The following DNAH8 variants were observed in gnomAD, a reference collection of about 807,000 sequenced individuals.
The protein encoded by DNAH8 is dynein axonemal heavy chain 8.
Under a neutral mutation model 562.1 loss-of-function variants are expected in DNAH8, and 382 were observed. The observed-to-expected ratio is 0.68, with a 90% CI of 0.63 to 0.74. The LOEUF (loss-of-function observed/expected upper bound fraction) is 0.74, where lower values mean the gene tolerates loss of function less well. Among genes scored for constraint, DNAH8 ranks in the 30% least tolerant of loss-of-function variants. DNAH8 has a pLI of 0.00. For synonymous variants in DNAH8, 1,881 were observed against 1,919.4 expected (o/e 0.98, Z 0.52); for missense variants, 5,203 against 5,620.4 (o/e 0.93, Z 2.37).
At chr6:38,803,430 T>C (rs188782006) in intron 22 of DNAH8, 119 bp downstream of exon 22, 1 of 688,818 alleles carries the variant, frequency 1.5e-6, no homozygotes, top group African/African-American at 1.8e-5. Flanking sequence ...GCAAAGAAGG[T>C]GTTCAGCATA....
chr6:38,801,400 T>C (rs1583041073), intron 21 of DNAH8, among the ~76,000 whole-genome samples: 1 of 152,362 alleles, frequency 6.6e-6, no homozygotes, highest in Non-Finnish European at 1.5e-5. Flanking sequence ...AAAAGATTAC[T>C]GTATGTTATT....
Position 38,931,008 on chromosome 6 carries a change from C to T in DNAH8, c.11275-803C>T, listed in dbSNP as rs149608959. On this transcript the variant is annotated intron_variant, in intron 75 of 92. Transcript: ENST00000327475. ...ACATGTGAGATCATACAGTGTTTATCTGTGTCTGGCTTATCTTATATGACA... is the reference window on the plus strand; with the variant it reads ...ACATGTGAGATCATACAGTGTTTATTTGTGTCTGGCTTATCTTATATGACA... Among the ~76,000 whole-genome samples the T allele has an allele frequency of 9.9e-4, 151 of 152,182 alleles. 1 individual carries two copies. Among genetic ancestry groups the T allele is most frequent in the Non-Finnish European group, 1.9e-3 (129 of 67,980 alleles).
chr6:39,007,156 GT>G (rs1275355024), intron 88 of DNAH8, among the ~76,000 whole-genome samples: 1 of 152,076 alleles, frequency 6.6e-6, no homozygotes, highest in Non-Finnish European at 1.5e-5. Context: ...AGTTTTAGTT[GT>G]TTCAGAAGGG....
chr6:38,852,758 G>A lies in DNAH8; in HGVS notation c.5531G>A (p.Arg1844His). 5.6e-6 allele frequency: 9 copies of A among 1,613,422 alleles called. No homozygotes were observed. Among genetic ancestry groups the A allele is most frequent in the African/African-American group, 1.3e-5 (1 of 74,960 alleles). Residue 1844 changes from arginine to histidine, a missense_variant, in exon 40 of 93, where the codon CGC (arginine) becomes CAC (histidine). Physicochemically the swap from Arg to His is conservative, Grantham distance 29. Around this residue, in one of 6 missense-constraint regions of DNAH8, gnomAD observed 2,176 missense variants for 2,365.1 expected, o/e 0.92. Transcript: ENST00000327475. The stretch of plus-strand genomic sequence containing the variant: ...ACATTTCATGCAAAAGACTATGATC[G>A]CATCATGGCCGTCATATCAAGAGAA... ...EVTFHAKDYD[R>H]IMAVISREGE... is the part of the protein sequence containing the mutation.
intron 19 of DNAH8, 152 bp downstream of exon 19, chr6:38,790,035 A>G: frequency 1.6e-6 from 1 of 636,164 alleles, no homozygotes; most frequent in Non-Finnish European, 2.6e-6. Flanking sequence ...TTTCTGCAGA[A>G]TTTCTTGTCT....
chr6:39,020,230 T>C (rs974341734), intron 91 of DNAH8, among the ~76,000 whole-genome samples: 2 of 152,212 alleles, frequency 1.3e-5, no homozygotes, highest in African/African-American at 4.8e-5. Context: ...AGAAGGTGTG[T>C]GTCTCAAGGG....
At chr6:38,937,357 A>T (rs75674340) in intron 77 of DNAH8, among the ~76,000 whole-genome samples, 1,988 of 151,804 alleles carry the variant, frequency 0.013, 49 homozygotes, top group African/African-American at 0.042. Flanking sequence ...AGTATAATAA[A>T]AAAAAAAATA....
chr6:38,715,464 A>T (rs1562517787), intron 1 of DNAH8, 49 bp downstream of exon 1: 1 of 152,454 alleles, frequency 6.6e-6, no homozygotes. Flanking sequence ...CCTGTCCGGG[A>T]GGCCCTGATG....
At chr6:38,927,420 T>C (rs114467809) in intron 74 of DNAH8, among the ~76,000 whole-genome samples, 1 of 152,188 alleles carries the variant, frequency 6.6e-6, no homozygotes, top group Non-Finnish European at 1.5e-5. Context: ...CAGAACACGA[T>C]ACATCAGTCT....
chr6:38,887,654 C>T (rs1162242032), intron 57 of DNAH8, among the ~76,000 whole-genome samples: 1 of 152,092 alleles, frequency 6.6e-6, no homozygotes, highest in Non-Finnish European at 1.5e-5. Context: ...CTGCAGTGAG[C>T]TATGATCACA....
At position 38,824,138 on chromosome 6, in the gene DNAH8, G is replaced by A. The variant is rs114463358; in HGVS notation, c.3847+450G>A. Among the ~76,000 whole-genome samples, 784 of 152,288 alleles carry A rather than the reference G, an allele frequency of 5.1e-3. 7 individuals carry two copies. Among genetic ancestry groups the A allele is most frequent in the African/African-American group, 0.018 (761 of 41,554 alleles). ...TTGGGATTAGAGTATCAAAGGATGA[G>A]GAGACAATCATTAATGCTTGAAATA... On this transcript the variant is annotated intron_variant, in intron 28 of 92. Transcript: ENST00000327475.
Position 38,935,675 on chromosome 6 carries a change from C to T in DNAH8, c.11541C>T (p.Leu3847=), listed in dbSNP as rs888259941. The T allele has an allele frequency of 3.1e-6, 5 of 1,610,134 alleles. No individual in the cohort carries two copies. The highest frequency in any genetic ancestry group is 3.4e-5 in the Admixed American group (2 of 59,658). The stretch of plus-strand genomic sequence containing the variant: ...TGAAAGAACTTGAAGATAACCTCCT[C>T]TATAAATTAAGTGCTACAAAAGGTA... ...RKMKELEDNL[L]YKLSATKGSL... Residue 3847 remains leucine, a synonymous_variant, in exon 77 of 93, where the codon CTC becomes CTT. Transcript: ENST00000327475.
rs114719419 is a variant in DNAH8, at chr6:38,872,997, G to A, written c.7329G>A (p.Thr2443=). The A allele has an allele frequency of 2.5e-6, 4 of 1,614,140 alleles. No individual in the cohort carries two copies. The highest frequency in any genetic ancestry group is 2.2e-5 in the South Asian group (2 of 91,072). The change falls in exon 51 of 93, where the codon ACG becomes ACA. Residue 2443 remains threonine, a synonymous_variant. Transcript: ENST00000327475. ...TTTTGGATGACAATAAAACTCTGAC[G>A]TTAGCTAATGGAGATCGCATTCCCA... ...NSVLDDNKTL[T]LANGDRIPMA...
chr6:38,896,071 ATCT>A lies in DNAH8; in HGVS notation c.8788_8790del (p.Leu2930del), dbSNP rs758684839. 6.8e-6 allele frequency: 11 copies of A among 1,614,054 alleles called. No homozygotes were observed. Among genetic ancestry groups the A allele is most frequent in the Non-Finnish European group, 8.5e-6 (10 of 1,179,952 alleles). On this transcript the variant is annotated inframe_deletion, in exon 60 of 93. Transcript: ENST00000327475. ...GAAGATGAGCAGTGGTTTAATGCAC[ATCT>A]TACTCGTGCAGTTGAAGAAAATATT... is the stretch of plus-strand genomic sequence containing the variant.
At chr6:38,935,534 T>C (rs1767375795) in intron 76 of DNAH8, 58 bp from the exon 77 acceptor site, 1 of 1,241,112 alleles carries the variant, frequency 8.1e-7, no homozygotes, top group African/African-American at 1.5e-5. Context: ...GTGAGTTGGG[T>C]TTACTGTAAT....
At chr6:38,830,957 G>T (rs1016968970) in intron 30 of DNAH8, among the ~76,000 whole-genome samples, 1 of 152,078 alleles carries the variant, frequency 6.6e-6, no homozygotes, top group Non-Finnish European at 1.5e-5. Context: ...TTGAGGTAAT[G>T]TATATAAAAT....
Position 38,864,536 on chromosome 6 carries a change from C to T in DNAH8, c.6498+476C>T, listed in dbSNP as rs1307529143. Among the ~76,000 whole-genome samples, 6 of 152,280 alleles carry T rather than the reference C, an allele frequency of 3.9e-5. No homozygotes were observed. In the East Asian group the frequency reaches 7.7e-4, roughly 20 times the overall value. On this transcript the variant is annotated intron_variant, in intron 45 of 92. Transcript: ENST00000327475. ...GTCTTTACTCTAGTACTCGGCCTGACGAGGTACCTACTATCTCAATCATTG... is the reference window on the plus strand; with the variant it reads ...GTCTTTACTCTAGTACTCGGCCTGATGAGGTACCTACTATCTCAATCATTG...
intron 59 of DNAH8, among the ~76,000 whole-genome samples, chr6:38,895,570 A>G (rs1315430963): frequency 6.6e-6 from 1 of 152,222 alleles, no homozygotes; most frequent in Non-Finnish European, 1.5e-5. Context: ...TGGAGCCTCC[A>G]TTCCCTCATC....
At chr6:38,837,758 T>G (rs1774418414) in intron 32 of DNAH8, among the ~76,000 whole-genome samples, 184 bp from the exon 33 acceptor site, 1 of 152,250 alleles carries the variant, frequency 6.6e-6, no homozygotes, top group Non-Finnish European at 1.5e-5. Flanking sequence ...GAAAGCGAAC[T>G]TTCCTAAGTG....
Sources: gnomAD v4.1 joint callset for allele counts (sites outside exome capture counted in the v4.1 genomes callset) on GRCh38, gnomAD v4.1.1 for gene constraint, gnomAD v4.1.1 regional missense constraint, MANE v1.5 for transcripts, NCBI Gene and HGNC (gene_info 2026-07-23, HGNC 2026-07-21) for gene names.